Variants in TMEM115 observed in about 807,000 individuals in gnomAD.
The protein encoded by TMEM115 is PP6.
A neutral mutation model predicts 20.1 loss-of-function variants in TMEM115; 8 were observed. That is an observed-to-expected ratio of 0.40 (90% CI 0.23 to 0.72). The LOEUF (loss-of-function observed/expected upper bound fraction) is 0.72, where lower values mean the gene tolerates loss of function less well. Among genes scored for constraint, TMEM115 ranks in the 30% least tolerant of loss-of-function variants. The pLI is 0.39. For missense variants in TMEM115, 374 were observed against 455.1 expected (o/e 0.82, Z 1.62); for synonymous variants, 229 against 206.2 (o/e 1.11, Z -0.95).
At chr3:50,356,764 C>T (rs587602316) in intron 1 of TMEM115, among the ~76,000 whole-genome samples, 19 of 152,302 alleles carry the variant, frequency 1.2e-4, no homozygotes, top group South Asian at 4.1e-4. Flanking sequence ...TGGAGTTGGG[C>T]GTGGCCATGC....
In TMEM115 at chr3:50,355,106, G is replaced by C. The variant is rs1327556583; in HGVS notation, c.*237C>G. 1 of 385,510 alleles carries C rather than the reference G, an allele frequency of 2.6e-6. No individual in the cohort carries two copies. The highest frequency in any genetic ancestry group is 4.6e-6 in the Non-Finnish European group (1 of 217,198). 23.9% of individuals were successfully genotyped at this position (385,510 alleles called of 1,614,324 possible). On this transcript the variant is annotated 3_prime_UTR_variant, in exon 2 of 2. Transcript: ENST00000266025. ...CCAGCTGATGTACATTCTTACCTCA[G>C]ATGAGGGCCTGGACTGGCCGATGCC... is the stretch of plus-strand genomic sequence containing the variant.
In TMEM115 at chr3:50,359,182, C is replaced by G. The variant is rs1703925016; in HGVS notation, c.-119G>C. 1 of 1,401,236 alleles carries G rather than the reference C, an allele frequency of 7.1e-7. No homozygotes were observed. The allele number at this position is 1,401,236 out of a possible 1,614,324, so 86.8% of individuals were successfully genotyped here. The stretch of plus-strand genomic sequence containing the variant: ...CCCGGCCTAGTCACTGGCCTATGGC[C>G]CTGGTAAAGGATCCGCTTCCGATCG... On this transcript the variant is annotated 5_prime_UTR_variant, in exon 1 of 2. Transcript: ENST00000266025.
rs1459146511 is a variant in TMEM115 at position 50,356,559 on chromosome 3, TCA to T, written c.852-1014_852-1013del. Among the ~76,000 whole-genome samples the T allele has an allele frequency of 3.9e-5, 6 of 152,314 alleles. No individual in the cohort carries two copies. In the East Asian group the frequency reaches 1.2e-3, roughly 29 times the overall value. ...CCCTAGCACGCTTCCCCCCTGCCCG[TCA>T]GTCTCACACATGACAAGTTGGTATA... On this transcript the variant is annotated intron_variant, in intron 1 of 1. Transcript: ENST00000266025.
chr3:50,359,305 C>T lies in TMEM115; in HGVS notation c.-242G>A, dbSNP rs1052623734. ...CCTGAGGGAAGGCCCTGGACGGCTG[C>T]GGCACGCCCGCCTACCCACCCTGTA... On this transcript the variant is annotated 5_prime_UTR_variant, in exon 1 of 2. Coordinates refer to ENST00000266025, the MANE Select transcript of TMEM115 (RefSeq NM_007024.5). 1 of 597,846 alleles carries T rather than the reference C, an allele frequency of 1.7e-6. No homozygotes were observed. The highest frequency in any genetic ancestry group is 2.8e-6 in the Non-Finnish European group (1 of 356,668). 37.0% of individuals were successfully genotyped at this position (597,846 alleles called of 1,614,324 possible).
intron 1 of TMEM115, 62 bp from the exon 2 acceptor site, chr3:50,355,609 C>G: frequency 2.1e-6 from 3 of 1,442,472 alleles, no homozygotes; most frequent in Non-Finnish European, 1.9e-6. Context: ...GCCCTCTACC[C>G]TTCCGCAGCA....
chr3:50,358,290 C>T lies in TMEM115; in HGVS notation c.774G>A (p.Lys258=), dbSNP rs1164062478. The change falls in exon 1 of 2, where the codon AAG becomes AAA. Residue 258 remains lysine (K), a synonymous_variant. Transcript: ENST00000266025. ...AGGATGGGGCACCCACATCGTAGCG[C>T]TTCACCGTCTTCTGGCATATCTTTA... ...VKVKICQKTV[K]RYDVGAPSSI... 3 of 1,613,812 alleles carry T rather than the reference C, an allele frequency of 1.9e-6. No individual in the cohort carries two copies. The Admixed American group carries it at 5.0e-5, about 27-fold the overall frequency.
At chr3:50,358,144 T>A in intron 1 of TMEM115, 69 bp downstream of exon 1, 1 of 1,573,136 alleles carries the variant, frequency 6.4e-7, no homozygotes, top group Non-Finnish European at 8.6e-7. Context: ...AGCGAACACC[T>A]CAACAGATGG....
intron 1 of TMEM115, among the ~76,000 whole-genome samples, chr3:50,356,328 G>C (rs368389393): frequency 6.7e-6 from 1 of 149,264 alleles, no homozygotes; most frequent in African/African-American, 2.6e-5. Flanking sequence ...CATGTGCTTG[G>C]GACCCTGACC....
Position 50,359,116 on chromosome 3 carries a change from C to T in TMEM115, c.-53G>A. 2 of 1,504,878 alleles carry T rather than the reference C, an allele frequency of 1.3e-6. No homozygotes were observed. The highest frequency in any genetic ancestry group is 1.8e-6 in the Non-Finnish European group (2 of 1,125,786). 93.2% of individuals were successfully genotyped at this position (1,504,878 alleles called of 1,614,324 possible). A position where few individuals can be genotyped will look rare whatever the true frequency, so the allele number is the denominator to read the frequency against. ...AGGGTCTGGTAGGCCAGGGGCCTCC[C>T]CGGGGCCTCGTCCTAGTCCGGCCCC... On this transcript the variant is annotated 5_prime_UTR_variant, in exon 1 of 2. Coordinates refer to ENST00000266025, the MANE Select transcript of TMEM115 (RefSeq NM_007024.5).
At chr3:50,355,621 G>GCTGA in intron 1 of TMEM115, 74 bp from the exon 2 acceptor site, 2 of 1,363,206 alleles carry the variant, frequency 1.5e-6, no homozygotes, top group Non-Finnish European at 2.0e-6. Context: ...TCCGCAGCAG[G>GCTGA]CTGACTCCTC....
At chr3:50,356,478 CT>C (rs1174391611) in intron 1 of TMEM115, among the ~76,000 whole-genome samples, 1 of 152,216 alleles carries the variant, frequency 6.6e-6, no homozygotes, top group Non-Finnish European at 1.5e-5. Flanking sequence ...GAACCAAAAT[CT>C]CCACCATGTC....
At chr3:50,358,149 A>C in intron 1 of TMEM115, 64 bp downstream of exon 1, 1 of 1,578,688 alleles carries the variant, frequency 6.3e-7, no homozygotes, top group Non-Finnish European at 8.6e-7. Flanking sequence ...ACACCTCAAC[A>C]GATGGCATGT....
intron 1 of TMEM115, among the ~76,000 whole-genome samples, chr3:50,356,375 G>A (rs1049634794): frequency 4.6e-5 from 7 of 152,176 alleles, no homozygotes; most frequent in African/African-American, 7.2e-5. Flanking sequence ...CCAGGGAACC[G>A]TTTCAACAGT....
At position 50,355,260 on chromosome 3, in the gene TMEM115, G is replaced by A; in HGVS notation, c.*83C>T. The A allele has an allele frequency of 1.8e-6, 2 of 1,109,956 alleles. No individual in the cohort carries two copies. The highest frequency in any genetic ancestry group is 5.5e-5 in the East Asian group (2 of 36,600). 68.8% of individuals were successfully genotyped at this position (1,109,956 alleles called of 1,614,324 possible). A position where few individuals can be genotyped will look rare whatever the true frequency, so the allele number is the denominator to read the frequency against. On this transcript the variant is annotated 3_prime_UTR_variant, in exon 2 of 2. Transcript: ENST00000266025. ...CAGCAGGCCTTCTTCCCTCTCCTCA[G>A]AGCAGTCAGGTGCCCTGGAGTAGCT...
chr3:50,358,522 CGCAGCAGGA>C lies in TMEM115; in HGVS notation c.533_541del (p.Leu178_Leu180del). 11 of 1,612,024 alleles carry C rather than the reference CGCAGCAGGA, an allele frequency of 6.8e-6. No individual in the cohort carries two copies. Among genetic ancestry groups the C allele is most frequent in the Non-Finnish European group, 9.3e-6 (11 of 1,179,604 alleles). On this transcript the variant is annotated inframe_deletion, in exon 1 of 2. Coordinates refer to ENST00000266025, the MANE Select transcript of TMEM115 (RefSeq NM_007024.5). The stretch of plus-strand genomic sequence containing the variant: ...CGGGCTCTGGAGCAGCGTGGCGAGC[CGCAGCAGGA>C]GCAGCAGCGCCAGCAGCAGCATGGG...
chr3:50,356,744 G>C (rs1703883192), intron 1 of TMEM115, among the ~76,000 whole-genome samples: 1 of 152,196 alleles, frequency 6.6e-6, no homozygotes, highest in Admixed American at 6.5e-5. Flanking sequence ...TCCCTCTCCT[G>C]GTAGCCCTTT....
chr3:50,358,873 G>A lies in TMEM115; in HGVS notation c.191C>T (p.Thr64Ile). 6.2e-7 allele frequency: 1 copy of A among 1,613,298 alleles called. No individual in the cohort carries two copies. Among genetic ancestry groups the A allele is most frequent in the Non-Finnish European group, 8.5e-7 (1 of 1,180,024 alleles). ...PPNFWIWTLA[T>I]HGLMEQHVWD... ...CACATGCTGCTCCATCAGCCCATGG[G>A]TGGCCAGGGTCCAGATCCAGAAGTT... The change falls in exon 1 of 2, where the codon ACC becomes ATC. Residue 64 changes from threonine (T) to isoleucine (I), a missense_variant. Coordinates refer to ENST00000266025, the MANE Select transcript of TMEM115 (RefSeq NM_007024.5).
intron 1 of TMEM115, among the ~76,000 whole-genome samples, chr3:50,356,251 A>C (rs1450153540): frequency 6.6e-6 from 1 of 152,234 alleles, no homozygotes; most frequent in Non-Finnish European, 1.5e-5. Context: ...TACTGCTTCC[A>C]CAGGGTGGAC....
Position 50,358,992 on chromosome 3 carries a change from C to T in TMEM115, c.72G>A (p.Lys24=). Residue 24 remains lysine, a synonymous_variant, in exon 1 of 2, where the codon AAG becomes AAA. Coordinates refer to ENST00000266025, the MANE Select transcript of TMEM115 (RefSeq NM_007024.5). ...GGAATAGTACCGCCGCACACAGAGCCTTCACCACCACGCTGGCGCTGGCCA... is the reference window on the plus strand; with the variant it reads ...GGAATAGTACCGCCGCACACAGAGCTTTCACCACCACGCTGGCGCTGGCCA... ...AILASASVVV[K]ALCAAVLFLY... The T allele has an allele frequency of 6.3e-7, 1 of 1,590,792 alleles. No homozygotes were observed.
Sources: allele counts gnomAD v4.1 joint callset (sites outside exome capture counted in the v4.1 genomes callset), GRCh38; gene constraint gnomAD v4.1.1; transcripts MANE v1.5; gene names NCBI Gene and HGNC (gene_info 2026-07-23, HGNC 2026-07-21).